Variants in MYOM2 observed in about 807,000 individuals in gnomAD.
MYOM2 encodes myomesin 2.
A neutral mutation model predicts 187.6 loss-of-function variants in MYOM2; 254 were observed. That is an observed-to-expected ratio of 1.35 (90% CI 1.22 to 1.50). The LOEUF (loss-of-function observed/expected upper bound fraction) is 1.50. Ranked by LOEUF, MYOM2 falls within the 40% of genes most tolerant of loss-of-function variation. MYOM2 has a pLI of 0.00. For missense variants in MYOM2, 2,796 were observed against 1,924.0 expected, an observed-to-expected ratio of 1.45 and a Z score of -8.48; for synonymous variants, 981 against 753.8, an observed-to-expected ratio of 1.30 and a Z score of -4.94.
chr8:2,051,185 C>A (rs1415900361), intron 2 of MYOM2, among the ~76,000 whole-genome samples: 1 of 152,132 alleles, frequency 6.6e-6, no homozygotes, highest in Non-Finnish European at 1.5e-5. Context: ...AAAAAGCCAC[C>A]CAAAATAAAA....
At chr8:2,085,468 G>GCTGTCGTGTTCTCCGCGTGGCCCCTCA (rs1819794372) in intron 14 of MYOM2, 78 bp downstream of exon 14, 1 of 1,414,776 alleles carries the variant, frequency 7.1e-7, no homozygotes, top group African/African-American at 1.8e-5. Context: ...GTGGCCCACC[G>GCTGTCGTGTTCTCCGCGTGGCCCCTCA]CTGTCGTGAT....
chr8:2,135,599 A>G (rs1467674689), intron 32 of MYOM2, among the ~76,000 whole-genome samples: 3 of 152,148 alleles, frequency 2.0e-5, no homozygotes, highest in African/African-American at 4.8e-5. Flanking sequence ...AAGGAGCAGA[A>G]ACGTGTGCTT....
In MYOM2 at chr8:2,057,791, C is replaced by T. The variant is rs770028833; in HGVS notation, c.560+11C>T. On this transcript the variant is annotated intron_variant, in intron 5 of 36. Coordinates refer to ENST00000262113, the MANE Select transcript of MYOM2 (RefSeq NM_003970.4). Reference sequence around the variant, plus strand: ...GCCCGTGGTGCAGTGGTGAGGGGCTCTGTTCCCAGGGGGTGAAGAAGTCCA... The same window carrying T: ...GCCCGTGGTGCAGTGGTGAGGGGCTTTGTTCCCAGGGGGTGAAGAAGTCCA... 1.9e-6 allele frequency: 3 copies of T among 1,612,488 alleles called. No homozygotes were observed. The highest frequency in any genetic ancestry group is 1.1e-5 in the South Asian group (1 of 90,968).
In MYOM2 at chr8:2,086,414, T is replaced by C. The variant is rs893944245; in HGVS notation, c.1644+1024T>C. ...CCACTGTTGTGATCTCTGCGTGGCC[T>C]CCCACTGTTGTGATCTCTGCGTGGC... On this transcript the variant is annotated intron_variant, in intron 14 of 36. Transcript: ENST00000262113. Among the ~76,000 whole-genome samples the C allele has an allele frequency of 6.4e-3, 177 of 27,776 alleles. 4 individuals carry two copies. Among genetic ancestry groups the C allele is most frequent in the Admixed American group, 0.014 (30 of 2,198 alleles). The allele number at this position is 27,776 out of a possible 152,430, so 18.2% of individuals were successfully genotyped here.
At chr8:2,118,249 C>G (rs950347549) in intron 28 of MYOM2, among the ~76,000 whole-genome samples, 32 of 152,064 alleles carry the variant, frequency 2.1e-4, no homozygotes, top group African/African-American at 7.7e-4. Context: ...GAAAGTGTGC[C>G]CTGGTGAAAT....
At chr8:2,136,355 G>T (rs1048113407) in intron 32 of MYOM2, among the ~76,000 whole-genome samples, 1 of 117,078 alleles carries the variant, frequency 8.5e-6, no homozygotes, top group Non-Finnish European at 1.6e-5. Flanking sequence ...CAGCTGTGAC[G>T]GAGGTGGGGC....
chr8:2,059,501 G>A lies in MYOM2; in HGVS notation c.653+256G>A, dbSNP rs2294056. Among the ~76,000 whole-genome samples, 1,143 of 152,256 alleles carry A rather than the reference G, an allele frequency of 7.5e-3. 42 individuals are homozygous for A. In the East Asian group the frequency reaches 0.13, roughly 18 times the overall value. ...GTTCAGGGAAAGGTAATGGCATCTG[G>A]GTGGAAAGGCTGCCATGCAGTGCAA... On this transcript the variant is annotated intron_variant, in intron 6 of 36. Transcript: ENST00000262113.
intron 6 of MYOM2, among the ~76,000 whole-genome samples, chr8:2,061,041 G>T (rs1279503760): frequency 6.6e-6 from 1 of 152,116 alleles, no homozygotes; most frequent in Admixed American, 6.5e-5. Flanking sequence ...ACATCCCTGG[G>T]GATGGAGGGC....
chr8:2,102,700 T>C lies in MYOM2; in HGVS notation c.2653T>C (p.Phe885Leu). The C allele has an allele frequency of 6.2e-7, 1 of 1,613,960 alleles. No homozygotes were observed. The highest frequency in any genetic ancestry group is 8.5e-7 in the Non-Finnish European group (1 of 1,179,792). ...SDLQQGKTYV[F>L]RVRAVNANGV... ...CCTGCAGCAAGGTAAGACCTATGTCTTCAGGGTCCGGGCAGTCAATGCAAA... is the reference window on the plus strand; with the variant it reads ...CCTGCAGCAAGGTAAGACCTATGTCCTCAGGGTCCGGGCAGTCAATGCAAA... The change falls in exon 21 of 37, where the codon TTC (phenylalanine) becomes CTC (leucine). Residue 885 changes from phenylalanine to leucine, a missense_variant. By Grantham distance (22) the Phe-to-Leu change is conservative. Coordinates refer to ENST00000262113, the MANE Select transcript of MYOM2 (RefSeq NM_003970.4).
At chr8:2,092,098 A>T (rs965049843) in intron 15 of MYOM2, among the ~76,000 whole-genome samples, 2 of 152,038 alleles carry the variant, frequency 1.3e-5, no homozygotes, top group African/African-American at 4.8e-5. Context: ...AGGATTCAGG[A>T]TGGATGTCAT....
intron 6 of MYOM2, among the ~76,000 whole-genome samples, chr8:2,060,444 G>A (rs1338249070): frequency 6.6e-6 from 1 of 152,186 alleles, no homozygotes; most frequent in African/African-American, 2.4e-5. Context: ...GAGGTGTGGG[G>A]TGTGTGTGCT....
chr8:2,081,497 G>T (rs993856119), intron 13 of MYOM2, among the ~76,000 whole-genome samples: 1 of 152,230 alleles, frequency 6.6e-6, no homozygotes, highest in African/African-American at 2.4e-5. Context: ...TCAGGGAGGA[G>T]GTGGGCAGCC....
chr8:2,091,654 T>C (rs1415310742), intron 15 of MYOM2, among the ~76,000 whole-genome samples: 1 of 152,256 alleles, frequency 6.6e-6, no homozygotes, highest in African/African-American at 2.4e-5. Context: ...CAAGTTTCTA[T>C]CTGGCTCTGG....
rs150503828 is a variant in MYOM2, at chr8:2,065,975, A to T, written c.654-3303A>T. ...GTGGGGCGCAGTGTGAACGCTGTTG[A>T]TGTTACTTAACAGGCAGCAGCAGGG... On this transcript the variant is annotated intron_variant, in intron 6 of 36. Coordinates refer to ENST00000262113, the MANE Select transcript of MYOM2 (RefSeq NM_003970.4). 3.0e-4 allele frequency among the ~76,000 whole-genome samples: 46 copies of T among 152,306 alleles called. 1 individual carries two copies. The Middle Eastern group carries it at 0.027, about 90-fold the overall frequency.
intron 28 of MYOM2, among the ~76,000 whole-genome samples, chr8:2,120,171 T>G (rs1797377464): frequency 6.6e-6 from 1 of 152,104 alleles, no homozygotes; most frequent in Non-Finnish European, 1.5e-5. Flanking sequence ...TGACCTAGTG[T>G]GAGTCAGGGG....
rs1357569210 is a variant in MYOM2, at chr8:2,109,379, T to C, written c.3044-16T>C. 5 of 1,590,470 alleles carry C rather than the reference T, an allele frequency of 3.1e-6. No individual in the cohort carries two copies. The highest frequency in any genetic ancestry group is 4.3e-6 in the Non-Finnish European group (5 of 1,169,344). On this transcript the variant is annotated splice_polypyrimidine_tract_variant and intron_variant, in intron 24 of 36. Transcript: ENST00000262113. ...ATTCATGCATTATTGACTTGCGATTTCTTTTCTTCCTGTAGCAATTCCTCT... is the reference window on the plus strand; with the variant it reads ...ATTCATGCATTATTGACTTGCGATTCCTTTTCTTCCTGTAGCAATTCCTCT...
chr8:2,128,470 T>C (rs1369282936), intron 31 of MYOM2, among the ~76,000 whole-genome samples: 1 of 152,228 alleles, frequency 6.6e-6, no homozygotes, highest in Non-Finnish European at 1.5e-5. Context: ...CTGATAACAA[T>C]CTCTACTTCC....
At chr8:2,049,130 T>C (rs1378425200) in intron 1 of MYOM2, among the ~76,000 whole-genome samples, 1 of 152,180 alleles carries the variant, frequency 6.6e-6, no homozygotes, top group African/African-American at 2.4e-5. Flanking sequence ...TTCCGTTATA[T>C]CCCTGGAGTA....
chr8:2,082,843 A>T (rs1819675744), intron 13 of MYOM2, among the ~76,000 whole-genome samples: 1 of 152,186 alleles, frequency 6.6e-6, no homozygotes, highest in Non-Finnish European at 1.5e-5. Flanking sequence ...AATTCTGTCA[A>T]ACCTAAAATA....
Sources: gnomAD v4.1 joint callset for allele counts (sites outside exome capture counted in the v4.1 genomes callset) on GRCh38, gnomAD v4.1.1 for gene constraint, MANE v1.5 for transcripts, NCBI Gene and HGNC (gene_info 2026-07-23, HGNC 2026-07-21) for gene names.